Variants in SLA observed in about 807,000 individuals in gnomAD.
SLA encodes the protein src-like-adapter.
Under a neutral mutation model 30.3 loss-of-function variants are expected in SLA, and 16 were observed. That is an observed-to-expected ratio of 0.53 (90% CI 0.36 to 0.80). The LOEUF (loss-of-function observed/expected upper bound fraction) is 0.80. SLA is among the 30% of genes least tolerant of loss of function. SLA has a pLI of 0.01. For synonymous variants in SLA, 143 were observed against 137.8 expected (o/e 1.04, Z -0.26); for missense variants, 310 against 345.2 (o/e 0.90, Z 0.81).
intron 1 of SLA, among the ~76,000 whole-genome samples, chr8:133,076,916 T>C (rs909392665): frequency 6.6e-6 from 1 of 152,152 alleles, no homozygotes; most frequent in African/African-American, 2.4e-5. Context: ...TATTTGAATA[T>C]GTACTACACA....
At chr8:133,097,993 A>G (rs1848684946) in intron 1 of SLA, among the ~76,000 whole-genome samples, 1 of 152,134 alleles carries the variant, frequency 6.6e-6, no homozygotes, top group Non-Finnish European at 1.5e-5. Context: ...AGTAAAACTT[A>G]GTCACCCTCA....
chr8:133,059,157 G>A (rs1321361222), intron 3 of SLA: 2 of 456,114 alleles, frequency 4.4e-6, no homozygotes, highest in East Asian at 6.9e-5. Flanking sequence ...CCAGGGCGGT[G>A]CTGCAGGGGC....
At chr8:133,078,183 A>G (rs1845191371) in intron 1 of SLA, among the ~76,000 whole-genome samples, 1 of 152,178 alleles carries the variant, frequency 6.6e-6, no homozygotes, top group Non-Finnish European at 1.5e-5. Flanking sequence ...ACGTGACCCA[A>G]GAAGAGGAAC....
chr8:133,096,327 G>A, intron 1 of SLA: 1 of 1,614,202 alleles, frequency 6.2e-7, no homozygotes. Flanking sequence ...CTGCTCATTG[G>A]GAGTTCTCAG....
At chr8:133,061,310 A>C (rs545641995) in intron 2 of SLA, among the ~76,000 whole-genome samples, 5 of 152,336 alleles carry the variant, frequency 3.3e-5, no homozygotes, top group African/African-American at 1.2e-4. Context: ...TGCCTGGCCA[A>C]GTCATTAACC....
In SLA at chr8:133,059,196, C is replaced by T. The variant is rs28528318; in HGVS notation, c.61+904G>A. 2,404 of 451,934 alleles carry T rather than the reference C, an allele frequency of 5.3e-3. 14 individuals are homozygous for T. Among genetic ancestry groups the T allele is most frequent in the Admixed American group, 8.4e-3 (353 of 42,172 alleles). The allele number at this position is 451,934 out of a possible 1,614,324, so 28.0% of individuals were successfully genotyped here. On this transcript the variant is annotated intron_variant, in intron 3 of 8. Transcript: ENST00000338087. ...TGGGAACCATGTGTGGTCACCCCTG[C>T]GAGGAAATGGGACACCAGGCCCCAA...
At position 133,075,092 on chromosome 8, in the gene SLA, T is replaced by C; in HGVS notation, c.-280A>G. ...GGCTTGCAGAAGGGCAGGTTCCTGT[T>C]TTCAGTAACCACTCTGAGCAAGCTT... On this transcript the variant is annotated 5_prime_UTR_variant, in exon 2 of 9. Coordinates refer to ENST00000338087, the MANE Select transcript of SLA (RefSeq NM_001045556.3). The C allele has an allele frequency of 1.0e-6, 1 of 985,404 alleles. No homozygotes were observed. The highest frequency in any genetic ancestry group is 1.2e-6 in the Non-Finnish European group (1 of 829,904). The allele number at this position is 985,404 out of a possible 1,614,324, so 61.0% of individuals were successfully genotyped here.
intron 1 of SLA, among the ~76,000 whole-genome samples, chr8:133,078,587 C>A (rs1182369277): frequency 6.6e-6 from 1 of 152,190 alleles, no homozygotes; most frequent in Non-Finnish European, 1.5e-5. Flanking sequence ...TTCAGTTATT[C>A]ATTCAACAAA....
intron 8 of SLA, among the ~76,000 whole-genome samples, chr8:133,039,609 A>T (rs1054371373): frequency 6.6e-6 from 1 of 152,224 alleles, no homozygotes; most frequent in African/African-American, 2.4e-5. Flanking sequence ...GATTCTGCTG[A>T]TGTGTTTAAG....
intron 5 of SLA, chr8:133,049,241 A>G (rs2131203750): frequency 4.6e-6 from 2 of 434,550 alleles, no homozygotes; most frequent in Non-Finnish European, 4.6e-6. Flanking sequence ...TTTCTAAGAT[A>G]TCTCTTGTTT....
chr8:133,097,646 T>A (rs188293179), intron 1 of SLA, among the ~76,000 whole-genome samples: 39 of 152,352 alleles, frequency 2.6e-4, no homozygotes, highest in Non-Finnish European at 4.1e-4. Flanking sequence ...TGTATATTTG[T>A]ATGTTTTTCT....
At chr8:133,053,077 G>A (rs780499726) in intron 3 of SLA, among the ~76,000 whole-genome samples, 4 of 152,138 alleles carry the variant, frequency 2.6e-5, no homozygotes, top group Admixed American at 1.3e-4. Flanking sequence ...CAGAGCCTCC[G>A]GATAGGCTGT....
intron 1 of SLA, among the ~76,000 whole-genome samples, chr8:133,076,974 A>G (rs1194296212): frequency 2.0e-5 from 3 of 152,104 alleles, no homozygotes; most frequent in African/African-American, 4.8e-5. Context: ...GAAAGACTGA[A>G]TATGTGACTA....
intron 1 of SLA, among the ~76,000 whole-genome samples, chr8:133,080,501 C>T (rs1051781611): frequency 1.1e-4 from 16 of 152,108 alleles, no homozygotes; most frequent in African/African-American, 3.6e-4. Flanking sequence ...GCCAATGCTC[C>T]CTTCCCATCC....
chr8:133,101,388 AT>A lies in SLA; in HGVS notation c.-319+1164del, dbSNP rs1358408670. On this transcript the variant is annotated intron_variant, in intron 1 of 8. Transcript: ENST00000338087. ...CCTGAATTTAGAGTTGGGCTTGTGC[AT>A]TTCTCTGTTTGCCCCAAGAAGGCTC... is the stretch of plus-strand genomic sequence containing the variant. Among the ~76,000 whole-genome samples, 200 of 152,204 alleles carry A rather than the reference AT, an allele frequency of 1.3e-3. 2 individuals are homozygous for A. Among genetic ancestry groups the A allele is most frequent in the Non-Finnish European group, 1.6e-4 (11 of 68,008 alleles).
chr8:133,051,908 G>A (rs1015633545), intron 3 of SLA, among the ~76,000 whole-genome samples: 2 of 152,096 alleles, frequency 1.3e-5, no homozygotes, highest in Non-Finnish European at 2.9e-5. Flanking sequence ...TTATTCATTC[G>A]GCAACTACTT....
At chr8:133,084,178 G>A (rs894410160) in intron 1 of SLA, among the ~76,000 whole-genome samples, 6 of 152,112 alleles carry the variant, frequency 3.9e-5, no homozygotes, top group Admixed American at 6.5e-5. Flanking sequence ...AAGGAGGGAC[G>A]AAATGGAGAG....
At chr8:133,099,542 A>G (rs1848936445) in intron 1 of SLA, among the ~76,000 whole-genome samples, 1 of 152,174 alleles carries the variant, frequency 6.6e-6, no homozygotes, top group Non-Finnish European at 1.5e-5. Flanking sequence ...GGTTTAGCCA[A>G]TGGCCCACTT....
intron 1 of SLA, among the ~76,000 whole-genome samples, chr8:133,075,500 A>G (rs554128352): frequency 1.3e-5 from 2 of 152,370 alleles, no homozygotes; most frequent in African/African-American, 2.4e-5. Context: ...GTTTGAATAT[A>G]TACTGCACAG....
Sources: allele counts gnomAD v4.1 joint callset (sites outside exome capture counted in the v4.1 genomes callset), GRCh38; gene constraint gnomAD v4.1.1; transcripts MANE v1.5; gene names NCBI Gene and HGNC (gene_info 2026-07-23, HGNC 2026-07-21).